Variants in ARHGAP22 observed in about 807,000 individuals in gnomAD.
ARHGAP22 encodes the protein rho GTPase-activating protein 22.
A neutral mutation model predicts 59.1 loss-of-function variants in ARHGAP22; 48 were observed. That is an observed-to-expected ratio of 0.81 (90% CI 0.64 to 1.03). The LOEUF (loss-of-function observed/expected upper bound fraction) is 1.03, where lower values mean the gene tolerates loss of function less well. ARHGAP22 is among the 50% of genes least tolerant of loss of function. The probability of loss-of-function intolerance (pLI) is 0.00; values close to 1 mark genes in which losing one functional copy is unlikely to be tolerated. For missense variants in ARHGAP22, 1,015 were observed against 958.7 expected (o/e 1.06, Z -0.78); for synonymous variants, 445 against 416.4 (o/e 1.07, Z -0.84).
At chr10:48,476,484 G>C (rs1183555995) in intron 4 of ARHGAP22, among the ~76,000 whole-genome samples, 1 of 152,196 alleles carries the variant, frequency 6.6e-6, no homozygotes, top group African/African-American at 2.4e-5. Flanking sequence ...TCCTTCCCAG[G>C]GGATGCAAGC....
intron 4 of ARHGAP22, among the ~76,000 whole-genome samples, chr10:48,461,817 A>G (rs1163404618): frequency 1.3e-5 from 2 of 152,206 alleles, no homozygotes; most frequent in Non-Finnish European, 2.9e-5. Context: ...CAGGGGCAAG[A>G]TGCCAAAGCT....
chr10:48,588,205 G>A (rs1248614844), intron 1 of ARHGAP22, among the ~76,000 whole-genome samples: 1 of 150,678 alleles, frequency 6.6e-6, no homozygotes, highest in African/African-American at 2.5e-5. Flanking sequence ...GGGTAGGCAG[G>A]AAGCTCTGGG....
rs182377209 is a variant in ARHGAP22 at position 48,549,128 on chromosome 10, C to A, written c.322+6335G>T. Among the ~76,000 whole-genome samples the A allele has an allele frequency of 3.9e-5, 6 of 152,338 alleles. No individual in the cohort carries two copies. The East Asian group carries it at 5.8e-4, about 15-fold the overall frequency. ...TTTAGCCCACTAGCACTCATACACA[C>A]CTTGGTCTACAACCTCAGGCACTCA... On this transcript the variant is annotated intron_variant, in intron 3 of 9. Coordinates refer to ENST00000249601, the MANE Select transcript of ARHGAP22 (RefSeq NM_021226.4).
At chr10:48,527,392 T>G (rs1376119192) in intron 3 of ARHGAP22, among the ~76,000 whole-genome samples, 8 of 147,988 alleles carry the variant, frequency 5.4e-5, no homozygotes, top group Non-Finnish European at 8.9e-5. Flanking sequence ...TGATTGGATG[T>G]AGGTGTGGAT....
intron 1 of ARHGAP22, among the ~76,000 whole-genome samples, chr10:48,649,783 C>T (rs1042642021): frequency 1.3e-5 from 2 of 152,056 alleles, no homozygotes; most frequent in African/African-American, 4.8e-5. Flanking sequence ...AAGTGAGAGG[C>T]CAAGAGGCTC....
chr10:48,638,250 G>A (rs2061903335), intron 1 of ARHGAP22, among the ~76,000 whole-genome samples: 2 of 152,146 alleles, frequency 1.3e-5, no homozygotes, highest in Admixed American at 6.5e-5. Context: ...GTGCCACGGG[G>A]AGATTCTTGG....
chr10:48,654,141 A>G (rs529040226), upstream of ARHGAP22, among the ~76,000 whole-genome samples: 8 of 152,296 alleles, frequency 5.3e-5, no homozygotes, highest in South Asian at 1.7e-3. Context: ...CCCTCATAAT[A>G]TGGACTTCAG....
At chr10:48,502,274 C>CA (rs1287945825) in intron 3 of ARHGAP22, among the ~76,000 whole-genome samples, 1 of 152,278 alleles carries the variant, frequency 6.6e-6, no homozygotes, top group African/African-American at 2.4e-5. Flanking sequence ...TTGCCCTGGG[C>CA]AGTACCTCGT....
At chr10:48,615,107 A>G (rs915371292) in intron 1 of ARHGAP22, among the ~76,000 whole-genome samples, 1 of 152,254 alleles carries the variant, frequency 6.6e-6, no homozygotes, top group African/African-American at 2.4e-5. Flanking sequence ...TGTAACATAC[A>G]AATACACATG....
At chr10:48,526,228 G>A (rs2054309808) in intron 3 of ARHGAP22, among the ~76,000 whole-genome samples, 3 of 152,178 alleles carry the variant, frequency 2.0e-5, no homozygotes, top group Admixed American at 2.0e-4. Context: ...AAATAAATGT[G>A]GGGGCAGGAA....
chr10:48,450,657 G>C lies in ARHGAP22; in HGVS notation c.1472C>G (p.Thr491Ser), dbSNP rs1016066094. The C allele has an allele frequency of 9.0e-6, 14 of 1,550,284 alleles. No individual in the cohort carries two copies. The highest frequency in any genetic ancestry group is 3.3e-4 in the Middle Eastern group (2 of 6,014). ...GCCCGGCGCGGGCACATTGTCGTAGGTGGAGAGTCTCTGCACGGAGCCCGA... is the reference window on the plus strand; with the variant it reads ...GCCCGGCGCGGGCACATTGTCGTAGCTGGAGAGTCTCTGCACGGAGCCCGA... ...KDSGSVQRLS[T>S]YDNVPAPGLV... is the part of the protein sequence containing the mutation. The change falls in exon 9 of 10, where the codon ACC becomes AGC. Residue 491 changes from threonine (T) to serine (S), a missense_variant. Transcript: ENST00000249601.
downstream of ARHGAP22, among the ~76,000 whole-genome samples, chr10:48,443,245 C>CT (rs751997882): frequency 2.2e-4 from 34 of 152,302 alleles, no homozygotes; most frequent in East Asian, 5.8e-3. Flanking sequence ...AAAGCTTTCT[C>CT]TTTCCCCTTC....
chr10:48,546,004 G>C (rs1481264464), intron 3 of ARHGAP22, among the ~76,000 whole-genome samples: 1 of 152,218 alleles, frequency 6.6e-6, no homozygotes, highest in Non-Finnish European at 1.5e-5. Context: ...TTGAGAGCTA[G>C]GGTCTGAGCT....
chr10:48,446,070 T>G lies in ARHGAP22; in HGVS notation c.*321A>C, dbSNP rs1423937998. 1 of 398,840 alleles carries G rather than the reference T, an allele frequency of 2.5e-6. No homozygotes were observed. The highest frequency in any genetic ancestry group is 4.7e-5 in the East Asian group (1 of 21,230). 24.7% of individuals were successfully genotyped at this position (398,840 alleles called of 1,614,324 possible). A position where few individuals can be genotyped will look rare whatever the true frequency, so the allele number is the denominator to read the frequency against. ...AGCACATTTAATAAAGAAAGCTGAC[T>G]GTTCCCGGTGGCTGCCTGGATCCTG... On this transcript the variant is annotated 3_prime_UTR_variant, in exon 10 of 10. Coordinates refer to ENST00000249601, the MANE Select transcript of ARHGAP22 (RefSeq NM_021226.4).
At chr10:48,484,291 A>G (rs2049633574) in intron 3 of ARHGAP22, among the ~76,000 whole-genome samples, 1 of 152,258 alleles carries the variant, frequency 6.6e-6, no homozygotes, top group South Asian at 2.1e-4. Flanking sequence ...TAATTGATGA[A>G]TTACGCTAAT....
chr10:48,493,553 G>C, intron 3 of ARHGAP22: 1 of 1,522,078 alleles, frequency 6.6e-7, no homozygotes, highest in South Asian at 1.2e-5. Context: ...TTGGGGTGCA[G>C]AAAACCACCA....
At chr10:48,433,839 T>G in the ARHGAP22 span, among the ~76,000 whole-genome samples, 1 of 152,236 alleles carries the variant, frequency 6.6e-6, no homozygotes, top group African/African-American at 2.4e-5. Flanking sequence ...TCAGCATCTT[T>G]GGGTGCCTGA....
intron 4 of ARHGAP22, among the ~76,000 whole-genome samples, chr10:48,470,648 G>A (rs1025053307): frequency 2.6e-5 from 4 of 152,212 alleles, no homozygotes; most frequent in African/African-American, 7.2e-5. Context: ...CCACTAGAAT[G>A]GATGGAAGGC....
At chr10:48,438,900 A>G in the ARHGAP22 span, 1 of 152,220 alleles carries the variant, frequency 6.6e-6, no homozygotes, top group African/African-American at 2.4e-5. Flanking sequence ...AAAAGGAGTA[A>G]ATCTTAGTAA....
Sources: allele counts gnomAD v4.1 joint callset (sites outside exome capture counted in the v4.1 genomes callset), GRCh38; gene constraint gnomAD v4.1.1; transcripts MANE v1.5; gene names NCBI Gene and HGNC (gene_info 2026-07-23, HGNC 2026-07-21).